ACO2: variants seen among roughly 807,000 people sequenced by gnomAD.
ACO2 encodes the protein aconitate hydratase, mitochondrial.
A neutral mutation model predicts 84.5 loss-of-function variants in ACO2; 31 were observed. That is an observed-to-expected ratio of 0.37 (90% CI 0.28 to 0.50). The LOEUF is 0.50. ACO2 is among the 20% of genes least tolerant of loss of function. The probability of loss-of-function intolerance (pLI) is 0.97; values close to 1 mark genes in which losing one functional copy is unlikely to be tolerated. For missense variants in ACO2, 685 were observed against 1,029.3 expected (o/e 0.67, Z 4.58); for synonymous variants, 414 against 412.7 (o/e 1.00, Z -0.04).
At chr22:41,469,349 T>A in intron 1 of ACO2, 167 bp downstream of exon 1, 1 of 724,560 alleles carries the variant, frequency 1.4e-6, no homozygotes, top group Non-Finnish European at 2.1e-6. Context: ...GTGCCCTAGG[T>A]CAAGGCGTCC....
chr22:41,525,009 C>G, intron 13 of ACO2, 41 bp downstream of exon 13: 4 of 1,613,894 alleles, frequency 2.5e-6, no homozygotes, highest in Non-Finnish European at 3.4e-6. Flanking sequence ...GCTGTGTGGC[C>G]ACGTCACTTC....
rs1395791533 is a variant in ACO2, at chr22:41,515,843, T to C, written c.761T>C (p.Ile254Thr). 4.3e-6 allele frequency: 7 copies of C among 1,614,064 alleles called. No homozygotes were observed. The highest frequency in any genetic ancestry group is 5.1e-6 in the Non-Finnish European group (6 of 1,180,042). ...GATGTGATCCTGAAGGTGGCAGGCA[T>C]CCTCACGGTGAAAGGTGGCACAGGT... The part of the protein sequence containing the change: ...PKDVILKVAG[I>T]LTVKGGTGAI... Residue 254 changes from isoleucine (I) to threonine (T), a missense_variant, in exon 6 of 18, where the codon ATC becomes ACC. By Grantham distance (89) the Ile-to-Thr change is moderately conservative. Coordinates refer to ENST00000216254, the MANE Select transcript of ACO2 (RefSeq NM_001098.3). This position sits in a 1 kb window ranked among gnomAD's most constrained non-coding sequence, Gnocchi z 5.8.
At position 41,469,137 on chromosome 22, in the gene ACO2, A is replaced by T. The variant is rs763984652; in HGVS notation, c.-10A>T. The T allele has an allele frequency of 4.4e-6, 7 of 1,608,016 alleles. No homozygotes were observed. The East Asian group carries it at 1.6e-4, about 36-fold the overall frequency. On this transcript the variant is annotated 5_prime_UTR_variant, in exon 1 of 18. Coordinates refer to ENST00000216254, the MANE Select transcript of ACO2 (RefSeq NM_001098.3). ...ACTTTAATGCGACCTCATCTTTGTC[A>T]GTGCACAAAATGGCGCCCTACAGCC...
chr22:41,469,289 C>T lies in ACO2; in HGVS notation c.36+107C>T, dbSNP rs1034429022. 5.9e-6 allele frequency: 8 copies of T among 1,360,116 alleles called. No individual in the cohort carries two copies. In the African/African-American group the frequency reaches 7.5e-5, roughly 13 times the overall value. The allele number at this position is 1,360,116 out of a possible 1,614,324, so 84.3% of individuals were successfully genotyped here. A position where few individuals can be genotyped will look rare whatever the true frequency, so the allele number is the denominator to read the frequency against. On this transcript the variant is annotated intron_variant, in intron 1 of 17. Coordinates refer to ENST00000216254, the MANE Select transcript of ACO2 (RefSeq NM_001098.3). Reference sequence around the variant, plus strand: ...GGCGGGCCCAACCTGGGGCCAACTTCTCGTGTACCTGTCCCGGTTGTGGGC... The same window carrying T: ...GGCGGGCCCAACCTGGGGCCAACTTTTCGTGTACCTGTCCCGGTTGTGGGC...
chr22:41,491,707 TG>T (rs1388106480), intron 1 of ACO2, among the ~76,000 whole-genome samples: 2 of 152,216 alleles, frequency 1.3e-5, no homozygotes, highest in Non-Finnish European at 2.9e-5. Flanking sequence ...ATAACACATG[TG>T]GAGTGCTTTT....
At position 41,528,676 on chromosome 22, in the gene ACO2, T is replaced by G; in HGVS notation, c.*63T>G. 6.3e-7 allele frequency: 1 copy of G among 1,583,660 alleles called. No homozygotes were observed. Among genetic ancestry groups the G allele is most frequent in the Non-Finnish European group, 8.6e-7 (1 of 1,167,988 alleles). On this transcript the variant is annotated 3_prime_UTR_variant, in exon 18 of 18. Transcript: ENST00000216254. Reference sequence around the variant, plus strand: ...CAGCTCCACGTGTGCCATCAGTGGATCCGATCCGTCCAGCCATGGCTTCCT... The same window carrying G: ...CAGCTCCACGTGTGCCATCAGTGGAGCCGATCCGTCCAGCCATGGCTTCCT...
intron 1 of ACO2, among the ~76,000 whole-genome samples, chr22:41,482,690 A>G (rs945829562): frequency 3.9e-5 from 6 of 152,222 alleles, no homozygotes; most frequent in Admixed American, 1.3e-4. Context: ...TCCAAAGGAT[A>G]GGACTAGGAA....
chr22:41,469,275 C>G (rs1183834520), intron 1 of ACO2, 93 bp downstream of exon 1: 3 of 1,456,358 alleles, frequency 2.1e-6, no homozygotes, highest in Non-Finnish European at 1.9e-6. Context: ...GCGGGCCCAA[C>G]CTGGGGCCAA....
At chr22:41,523,524 G>A (rs1204394520) in intron 11 of ACO2, among the ~76,000 whole-genome samples, 7 of 152,312 alleles carry the variant, frequency 4.6e-5, no homozygotes, top group Middle Eastern at 6.8e-3. Flanking sequence ...AAGCCAGCGC[G>A]GCCTCACCCT....
intron 13 of ACO2, 40 bp downstream of exon 13, chr22:41,525,008 C>T (rs755606926): frequency 1.2e-6 from 2 of 1,613,938 alleles, no homozygotes; most frequent in Non-Finnish European, 1.7e-6. Flanking sequence ...TGCTGTGTGG[C>T]CACGTCACTT....
chr22:41,527,073 C>A, intron 15 of ACO2: 2 of 649,888 alleles, frequency 3.1e-6, no homozygotes, highest in Non-Finnish European at 2.6e-6. Context: ...CTGCAAACAA[C>A]CACGTGCCTC....
chr22:41,478,783 T>C (rs183724028), intron 1 of ACO2, among the ~76,000 whole-genome samples: 5,940 of 149,992 alleles, frequency 0.04, 395 homozygotes, highest in African/African-American at 0.14. Context: ...TTTTTTTTTT[T>C]TGAGAAGGAG....
At chr22:41,479,664 G>A (rs953490828) in intron 1 of ACO2, among the ~76,000 whole-genome samples, 1 of 152,218 alleles carries the variant, frequency 6.6e-6, no homozygotes, top group Admixed American at 6.5e-5. Context: ...TGAGGCTGGT[G>A]GGGGAGAGGC....
intron 1 of ACO2, among the ~76,000 whole-genome samples, chr22:41,496,254 G>C (rs2066312581): frequency 6.6e-6 from 1 of 152,062 alleles, no homozygotes; most frequent in Admixed American, 6.5e-5. Context: ...GGCAGAAGTT[G>C]CCGTGAGCTG....
intron 3 of ACO2, among the ~76,000 whole-genome samples, chr22:41,509,913 G>A (rs920784430): frequency 7.0e-6 from 1 of 142,914 alleles, no homozygotes; most frequent in Non-Finnish European, 1.5e-5. Flanking sequence ...TCGGCTCACT[G>A]CAACCTCCGC....
At position 41,498,092 on chromosome 22, in the gene ACO2, T is replaced by G. The variant is rs2066328275; in HGVS notation, c.37-1634T>G. Among the ~76,000 whole-genome samples the G allele has an allele frequency of 1.3e-5, 2 of 152,108 alleles. 1 individual carries two copies. The highest frequency in any genetic ancestry group is 4.1e-4 in the South Asian group (2 of 4,834). On this transcript the variant is annotated intron_variant, in intron 1 of 17. Transcript: ENST00000216254. Reference sequence around the variant, plus strand: ...CCGGGAGGCGGAGGTTGCAGTGAGCTGAGATCGCTCCACTGCATTCTAGCC... The same window carrying G: ...CCGGGAGGCGGAGGTTGCAGTGAGCGGAGATCGCTCCACTGCATTCTAGCC...
intron 7 of ACO2, among the ~76,000 whole-genome samples, chr22:41,517,960 A>G (rs1160032822): frequency 1.3e-5 from 2 of 152,190 alleles, no homozygotes; most frequent in Non-Finnish European, 2.9e-5. Flanking sequence ...CGGAAATGAC[A>G]TGGATCGCTT....
Position 41,515,719 on chromosome 22 carries a change from C to T in ACO2, c.685-48C>T, listed in dbSNP as rs1279536514. 1 of 1,610,930 alleles carries T rather than the reference C, an allele frequency of 6.2e-7. No individual in the cohort carries two copies. The highest frequency in any genetic ancestry group is 8.5e-7 in the Non-Finnish European group (1 of 1,179,184). On this transcript the variant is annotated intron_variant, in intron 5 of 17. Coordinates refer to ENST00000216254, the MANE Select transcript of ACO2 (RefSeq NM_001098.3). This position sits in a 1 kb window ranked among gnomAD's most constrained non-coding sequence, Gnocchi z 5.8. The stretch of plus-strand genomic sequence containing the variant: ...AGGGCCATCCTGACTTCGTGGCTGG[C>T]ACAGGCACACACGGCCTCTCACAGC...
At chr22:41,505,593 G>A (rs2066387543) in intron 2 of ACO2, among the ~76,000 whole-genome samples, 1 of 152,134 alleles carries the variant, frequency 6.6e-6, no homozygotes, top group African/African-American at 2.4e-5. Context: ...CACTGGCTTC[G>A]TGGTCTGGAG....
Sources: allele counts gnomAD v4.1 joint callset (sites outside exome capture counted in the v4.1 genomes callset), GRCh38; gene constraint gnomAD v4.1.1; non-coding constraint Gnocchi (gnomAD v3.1); transcripts MANE v1.5; gene names NCBI Gene and HGNC (gene_info 2026-07-23, HGNC 2026-07-21).